ZSCAN5A: variants seen among roughly 807,000 people sequenced by gnomAD.
ZSCAN5A encodes zinc finger and SCAN domain containing 5A.
A neutral mutation model predicts 23.7 loss-of-function variants in ZSCAN5A; 12 were observed. That is an observed-to-expected ratio of 0.51 (90% CI 0.32 to 0.82). The LOEUF (loss-of-function observed/expected upper bound fraction) is 0.82. ZSCAN5A is among the 40% of genes least tolerant of loss of function. The probability of loss-of-function intolerance (pLI) is 0.03; values close to 1 mark genes in which losing one functional copy is unlikely to be tolerated. For missense variants in ZSCAN5A, 597 were observed against 617.9 expected (o/e 0.97, Z 0.36); for synonymous variants, 257 against 239.9 (o/e 1.07, Z -0.66).
intron 2 of ZSCAN5A, among the ~76,000 whole-genome samples, chr19:56,309,717 C>T (rs1050456836): frequency 1.3e-5 from 2 of 152,206 alleles, no homozygotes; most frequent in African/African-American, 4.8e-5. Context: ...TGGGCAGTCC[C>T]TGCTCCTGCG....
intron 2 of ZSCAN5A, among the ~76,000 whole-genome samples, chr19:56,238,026 A>C (rs2035106214): frequency 7.3e-4 from 1 of 1,364 alleles, no homozygotes; most frequent in Admixed American, 0.012. Flanking sequence ...TCAAAGAAAC[A>C]AAAAGCAAGC....
At chr19:56,257,074 C>T (rs1301660531) in intron 2 of ZSCAN5A, among the ~76,000 whole-genome samples, 2 of 152,154 alleles carry the variant, frequency 1.3e-5, no homozygotes, top group Non-Finnish European at 1.5e-5. Flanking sequence ...AGACACCTGA[C>T]TTGGCTATCA....
At chr19:56,320,245 G>C in intron 2 of ZSCAN5A, 1 of 535,822 alleles carries the variant, frequency 1.9e-6, no homozygotes, top group Non-Finnish European at 3.6e-6. Flanking sequence ...ACAATCCTGA[G>C]TAGGGCTTGC....
chr19:56,326,688 C>T (rs192260156), intron 2 of ZSCAN5A, among the ~76,000 whole-genome samples: 4 of 152,268 alleles, frequency 2.6e-5, no homozygotes, highest in Non-Finnish European at 2.9e-5. Context: ...CATGCTCTCA[C>T]GTAAATGTGC....
At chr19:56,258,240 A>C (rs1353583869) in intron 2 of ZSCAN5A, among the ~76,000 whole-genome samples, 2 of 152,218 alleles carry the variant, frequency 1.3e-5, no homozygotes, top group Non-Finnish European at 1.5e-5. Flanking sequence ...AACCAAGCTT[A>C]TCTCTTCTGT....
At chr19:56,322,362 A>G in intron 2 of ZSCAN5A, 1 of 757,852 alleles carries the variant, frequency 1.3e-6, no homozygotes, top group Non-Finnish European at 2.4e-6. Context: ...GGCTTCCCCT[A>G]TTCCACACCT....
intron 2 of ZSCAN5A, among the ~76,000 whole-genome samples, chr19:56,258,304 C>G (rs1272289670): frequency 1.3e-5 from 2 of 152,216 alleles, no homozygotes; most frequent in Non-Finnish European, 2.9e-5. Context: ...GCACTGACTA[C>G]GTATCAGGTC....
chr19:56,302,563 C>CCTTCCTTTTCTTCCTCCCCCT (rs2040369781), intron 2 of ZSCAN5A, among the ~76,000 whole-genome samples: 2 of 92,966 alleles, frequency 2.2e-5, no homozygotes, highest in African/African-American at 1.1e-4. Flanking sequence ...CTCCCTCCCC[C>CCTTCCTTTTCTTCCTCCCCCT]CTTCCTTTTC....
intron 2 of ZSCAN5A, among the ~76,000 whole-genome samples, chr19:56,226,816 C>T (rs1260317792): frequency 6.6e-6 from 1 of 152,134 alleles, no homozygotes; most frequent in Non-Finnish European, 1.5e-5. Context: ...GGGTACTATC[C>T]TCATATCCTG....
chr19:56,268,017 C>A (rs531036054), intron 2 of ZSCAN5A, among the ~76,000 whole-genome samples: 120 of 152,316 alleles, frequency 7.9e-4, no homozygotes, highest in African/African-American at 2.8e-3. Context: ...TCCGATGACA[C>A]TTTTCAGGTC....
intron 2 of ZSCAN5A, among the ~76,000 whole-genome samples, chr19:56,355,861 G>C (rs565954028): frequency 6.7e-6 from 1 of 148,636 alleles, no homozygotes; most frequent in Non-Finnish European, 1.5e-5. Flanking sequence ...TGGGAAGAAG[G>C]TAATGATTAT....
intron 2 of ZSCAN5A, among the ~76,000 whole-genome samples, chr19:56,353,919 C>T (rs56188114): frequency 6.6e-6 from 1 of 152,160 alleles, no homozygotes; most frequent in Non-Finnish European, 1.5e-5. Context: ...AACAGATAAA[C>T]AGAATGTACT....
intron 2 of ZSCAN5A, among the ~76,000 whole-genome samples, chr19:56,331,656 C>T (rs1266100780): frequency 8.2e-6 from 1 of 121,454 alleles, no homozygotes; most frequent in African/African-American, 3.3e-5. Flanking sequence ...GGTGTGATCT[C>T]GGCTCACTGC....
chr19:56,277,001 T>C (rs984116098), intron 2 of ZSCAN5A, among the ~76,000 whole-genome samples: 1 of 152,172 alleles, frequency 6.6e-6, no homozygotes, highest in African/African-American at 2.4e-5. Context: ...TCAACCTCAT[T>C]AGCCATCAGA....
chr19:56,294,429 T>C (rs2039723632), intron 2 of ZSCAN5A, among the ~76,000 whole-genome samples: 1 of 152,212 alleles, frequency 6.6e-6, no homozygotes, highest in African/African-American at 2.4e-5. Context: ...ACCTGATTAA[T>C]GGAGATAATA....
intron 2 of ZSCAN5A, among the ~76,000 whole-genome samples, chr19:56,235,856 G>A (rs1199064123): frequency 3.0e-4 from 3 of 10,002 alleles, no homozygotes; most frequent in African/African-American, 6.3e-4. Context: ...CTCCACTCCA[G>A]CCTCTGATGG....
Position 56,331,611 on chromosome 19 carries a change from G to A in ZSCAN5A, c.-357-15343C>T, listed in dbSNP as rs375682649. On this transcript the variant is annotated intron_variant, in intron 2 of 6. Transcript: ENST00000587340. Reference sequence around the variant, plus strand: ...TTTTTTTTTTTTTTTTTTTTGAGACGGAGTCTCGCTCTGTCACCCAGGCTG... The same window carrying A: ...TTTTTTTTTTTTTTTTTTTTGAGACAGAGTCTCGCTCTGTCACCCAGGCTG... 1.9e-3 allele frequency among the ~76,000 whole-genome samples: 181 copies of A among 97,352 alleles called. 1 individual carries two copies. Among genetic ancestry groups the A allele is most frequent in the Middle Eastern group, 0.012 (1 of 82 alleles). 63.9% of individuals were successfully genotyped at this position (97,352 alleles called of 152,430 possible).
At chr19:56,230,861 C>T (rs1442403772) in intron 2 of ZSCAN5A, among the ~76,000 whole-genome samples, 1 of 152,174 alleles carries the variant, frequency 6.6e-6, no homozygotes, top group East Asian at 1.9e-4. Flanking sequence ...TTACATTCCC[C>T]TGCAGTCAGG....
At chr19:56,320,353 C>T (rs2041361926) in intron 2 of ZSCAN5A, 1 of 353,116 alleles carries the variant, frequency 2.8e-6, no homozygotes, top group Non-Finnish European at 5.4e-6. Context: ...ATGGAGAAAC[C>T]CAATCTCTAC....
Sources: allele counts gnomAD v4.1 joint callset (sites outside exome capture counted in the v4.1 genomes callset), GRCh38; gene constraint gnomAD v4.1.1; transcripts MANE v1.5; gene names NCBI Gene and HGNC (gene_info 2026-07-23, HGNC 2026-07-21).